MAP3K12: variants seen among roughly 807,000 people sequenced by gnomAD.
MAP3K12 encodes mitogen-activated protein kinase kinase kinase 12.
Under a neutral mutation model 87.5 loss-of-function variants are expected in MAP3K12, and 14 were observed. That is an observed-to-expected ratio of 0.16 (90% CI 0.11 to 0.25). The LOEUF (loss-of-function observed/expected upper bound fraction) is 0.25. Ranked by LOEUF, MAP3K12 falls within the 10% of genes least tolerant of loss-of-function variation. The probability of loss-of-function intolerance (pLI) is 1.00; values close to 1 mark genes in which losing one functional copy is unlikely to be tolerated. For missense variants in MAP3K12, 802 were observed against 1,140.4 expected, an observed-to-expected ratio of 0.70 and a Z score of 4.27; for synonymous variants, 469 against 452.5, an observed-to-expected ratio of 1.04 and a Z score of -0.46.
At chr12:53,494,305 G>A (rs570031045) in intron 1 of MAP3K12, among the ~76,000 whole-genome samples, 8 of 152,362 alleles carry the variant, frequency 5.3e-5, no homozygotes, top group African/African-American at 1.9e-4. Flanking sequence ...TATCTACCAA[G>A]TGTTGATGGT....
chr12:53,481,379 TCTCA>T, intron 13 of MAP3K12, 99 bp from the exon 14 acceptor site: 1 of 529,294 alleles, frequency 1.9e-6, no homozygotes, highest in South Asian at 4.0e-5. Flanking sequence ...TAAGACAGAG[TCTCA>T]CTCTCGCCCA....
rs1283802178 is a variant in MAP3K12, at chr12:53,495,699, T to C, written c.-38+3728A>G. Among the ~76,000 whole-genome samples, 6 of 152,256 alleles carry C rather than the reference T, an allele frequency of 3.9e-5. 1 individual carries two copies. Among genetic ancestry groups the C allele is most frequent in the African/African-American group, 1.4e-4 (6 of 41,552 alleles). On this transcript the variant is annotated intron_variant, in intron 1 of 13. Coordinates refer to ENST00000547488, the MANE Select transcript of MAP3K12 (RefSeq NM_001193511.2). ...ACCACTGTGCCCTGCAGCTTGTTTT[T>C]ATTTTCCATTTTTCAGGATCCGCAG...
rs1943074294 is a variant in MAP3K12, at chr12:53,482,196, C to T, written c.2325G>A (p.Leu775=). 1 of 1,614,200 alleles carries T rather than the reference C, an allele frequency of 6.2e-7. No individual in the cohort carries two copies. Among genetic ancestry groups the T allele is most frequent in the East Asian group, 2.2e-5 (1 of 44,884 alleles). Residue 775 remains leucine (L), a synonymous_variant, in exon 13 of 14, where the codon CTG becomes CTA. Coordinates refer to ENST00000547488, the MANE Select transcript of MAP3K12 (RefSeq NM_001193511.2). ...LTSSQRWPQS[L]NMRQSLSTFS... ...AGGTAGATAGTGACTGGCGCATGTT[C>T]AGGCTCTGAGGCCACCTACATGTTG...
At chr12:53,501,212 G>A (rs1343691521), upstream of MAP3K12, 3 of 612,188 alleles carry the variant, frequency 4.9e-6, no homozygotes, top group East Asian at 2.9e-5. Flanking sequence ...GCACGCAGAG[G>A]GTTGTGGGGC....
At chr12:53,484,825 A>G in intron 6 of MAP3K12, 2 of 579,162 alleles carry the variant, frequency 3.5e-6, no homozygotes, top group Non-Finnish European at 6.1e-6. Context: ...CTTCATGACA[A>G]ATCAGGAATG....
Position 53,483,198 on chromosome 12 carries a change from A to C in MAP3K12, c.1614-9T>G, listed in dbSNP as rs749643730. On this transcript the variant is annotated splice_polypyrimidine_tract_variant and intron_variant, in intron 10 of 13. Transcript: ENST00000547488. ...TCTTGAGGATATCTGGCCTGGAAGA[A>C]GAGGAAAAGTAAAAGGTTAAGACTG... 1.4e-5 allele frequency: 22 copies of C among 1,525,462 alleles called. No homozygotes were observed. Among genetic ancestry groups the C allele is most frequent in the Non-Finnish European group, 1.8e-5 (21 of 1,138,838 alleles). 94.5% of individuals were successfully genotyped at this position (1,525,462 alleles called of 1,614,324 possible). A position where few individuals can be genotyped will look rare whatever the true frequency, so the allele number is the denominator to read the frequency against.
chr12:53,490,766 C>T (rs1367171266), intron 1 of MAP3K12, among the ~76,000 whole-genome samples: 1 of 150,280 alleles, frequency 6.7e-6, no homozygotes, highest in Non-Finnish European at 1.5e-5. Flanking sequence ...AAAAAATTAG[C>T]TGAGTGTGGT....
chr12:53,485,683 G>A (rs527306585), intron 4 of MAP3K12: 4 of 593,870 alleles, frequency 6.7e-6, no homozygotes, highest in Admixed American at 3.2e-5. Flanking sequence ...AGCCTCCTGA[G>A]TAGCTGAGAC....
In MAP3K12 at chr12:53,483,008, C is replaced by A. The variant is rs780099120; in HGVS notation, c.1795G>T (p.Val599Leu). The A allele has an allele frequency of 1.3e-6, 2 of 1,567,704 alleles. No homozygotes were observed. The highest frequency in any genetic ancestry group is 2.4e-5 in the South Asian group (2 of 85,034). Residue 599 changes from valine (V) to leucine (L), a missense_variant, in exon 11 of 14, where the codon GTG becomes TTG. Physicochemically the swap from Val to Leu is conservative, Grantham distance 32. Around this residue, in one of 5 missense-constraint regions of MAP3K12, gnomAD observed 490 missense variants for 496.6 expected, o/e 0.99. Transcript: ENST00000547488. ...GGTCCTCCAGGTTCATGGGGTGGCA[C>A]AGCTGTACGAAGCCCAGGCAGGTCC... Reference protein sequence around the residue: ...CGDLPGLRTAVPPHEPGGPGS... With the variant: ...CGDLPGLRTALPPHEPGGPGS...
At chr12:53,494,468 G>C (rs972989502) in intron 1 of MAP3K12, among the ~76,000 whole-genome samples, 4 of 152,194 alleles carry the variant, frequency 2.6e-5, no homozygotes, top group Admixed American at 2.6e-4. Flanking sequence ...GGTAGAGTGG[G>C]GTAGGAAGTC....
Position 53,495,839 on chromosome 12 carries a change from C to T in MAP3K12, c.-38+3588G>A, listed in dbSNP as rs985474996. ...GAAAACTGGAGATCACCCCTAAATTCGGGTCTTTGATTGGTAAATCAAGCC... is the reference window on the plus strand; with the variant it reads ...GAAAACTGGAGATCACCCCTAAATTTGGGTCTTTGATTGGTAAATCAAGCC... On this transcript the variant is annotated intron_variant, in intron 1 of 13. Coordinates refer to ENST00000547488, the MANE Select transcript of MAP3K12 (RefSeq NM_001193511.2). Among the ~76,000 whole-genome samples, 4 of 152,122 alleles carry T rather than the reference C, an allele frequency of 2.6e-5. No homozygotes were observed. The East Asian group carries it at 5.8e-4, about 22-fold the overall frequency.
chr12:53,499,659 ACTCCCG>A (rs1204803578), upstream of MAP3K12: 1 of 134,090 alleles, frequency 7.5e-6, no homozygotes, highest in Admixed American at 7.3e-5. Flanking sequence ...CTCGGCTTGA[ACTCCCG>A]CTCCTTCCAG....
rs1414464428 is a variant in MAP3K12 at position 53,483,050 on chromosome 12, C to T, written c.1753G>A (p.Ala585Thr). 11 of 1,550,944 alleles carry T rather than the reference C, an allele frequency of 7.1e-6. No individual in the cohort carries two copies. The highest frequency in any genetic ancestry group is 2.0e-5 in the Admixed American group (1 of 49,246). The change falls in exon 11 of 14, where the codon GCC becomes ACC. Residue 585 changes from alanine to threonine, a missense_variant. By Grantham distance (58) the Ala-to-Thr change is moderately conservative. This residue lies in a region of MAP3K12 where 490 missense variants were observed against 496.6 expected (regional missense o/e 0.99). Coordinates refer to ENST00000547488, the MANE Select transcript of MAP3K12 (RefSeq NM_001193511.2). ...GGCAGGTCCCCACAGCTCCCCTTGG[C>T]GCTGGCCTTGCGGTGACGGGTCTTG... ...RGKTRHRKAS[A>T]KGSCGDLPGL...
At chr12:53,481,466 C>T (rs1290300305) in intron 13 of MAP3K12, 186 bp from the exon 14 acceptor site, 2 of 324,398 alleles carry the variant, frequency 6.2e-6, no homozygotes, top group African/African-American at 2.2e-5. Flanking sequence ...TCTTCTGCCT[C>T]AGCCTTCTGA....
At chr12:53,494,976 G>T (rs986690486) in intron 1 of MAP3K12, among the ~76,000 whole-genome samples, 1 of 151,970 alleles carries the variant, frequency 6.6e-6, no homozygotes, top group Admixed American at 6.6e-5. Flanking sequence ...AACCTCCTGG[G>T]CTCAAGTGAT....
At chr12:53,483,787 G>A in intron 8 of MAP3K12, 64 bp from the exon 9 acceptor site, 1 of 1,612,468 alleles carries the variant, frequency 6.2e-7, no homozygotes, top group Non-Finnish European at 8.5e-7. Flanking sequence ...ACAGATCTCA[G>A]TCTCAGAATT....
upstream of MAP3K12, chr12:53,499,498 C>T (rs1045535042): frequency 6.6e-6 from 1 of 151,922 alleles, no homozygotes; most frequent in African/African-American, 2.4e-5. Context: ...GCTCCCGCCT[C>T]CTCCTCCTTC....
chr12:53,482,075 G>A lies in MAP3K12; in HGVS notation c.2446C>T (p.Arg816Trp). The change falls in exon 13 of 14, where the codon CGG becomes TGG. Residue 816 changes from arginine (R) to tryptophan (W), a missense_variant. Physicochemically the swap from Arg to Trp is moderately radical, Grantham distance 101. Coordinates refer to ENST00000547488, the MANE Select transcript of MAP3K12 (RefSeq NM_001193511.2). Reference protein sequence around the residue: ...PEVGSTNTDERPDERSDDMCS... With the variant: ...PEVGSTNTDEWPDERSDDMCS... ...ATGTCATCAGACCGCTCATCTGGCC[G>A]CTCATCAGTGTTGGTGCTGCCAACT... 3 of 1,614,176 alleles carry A rather than the reference G, an allele frequency of 1.9e-6. No homozygotes were observed. Among genetic ancestry groups the A allele is most frequent in the Non-Finnish European group, 2.5e-6 (3 of 1,180,050 alleles).
rs371387223 is a variant in MAP3K12, at chr12:53,483,302, T to C, written c.1613+47A>G. On this transcript the variant is annotated intron_variant, in intron 10 of 13. Transcript: ENST00000547488. ...TCCCTGCTAATATACCTGTTGCCAC[T>C]TCAGTATCCCTCTTGCCATATTGGA... 10 of 1,600,662 alleles carry C rather than the reference T, an allele frequency of 6.2e-6. No homozygotes were observed. The Admixed American group carries it at 1.2e-4, about 19-fold the overall frequency.
Sources: gnomAD v4.1 joint callset for allele counts (sites outside exome capture counted in the v4.1 genomes callset) on GRCh38, gnomAD v4.1.1 for gene constraint, gnomAD v4.1.1 regional missense constraint, MANE v1.5 for transcripts, NCBI Gene and HGNC (gene_info 2026-07-23, HGNC 2026-07-21) for gene names.